EXT1: variants seen among roughly 807,000 people sequenced by gnomAD.
EXT1 encodes exostosin-1.
Under a neutral mutation model 82.5 loss-of-function variants are expected in EXT1, and 20 were observed. That is an observed-to-expected ratio of 0.24 (90% CI 0.17 to 0.35). The LOEUF (loss-of-function observed/expected upper bound fraction) is 0.35. Among genes scored for constraint, EXT1 ranks in the 10% least tolerant of loss-of-function variants. The pLI, the probability that EXT1 is intolerant of heterozygous loss-of-function variation, is 1.00. For missense variants in EXT1, 757 were observed against 936.5 expected (o/e 0.81, Z 2.50); for synonymous variants, 348 against 350.8 (o/e 0.99, Z 0.09).
At chr8:117,923,717 C>T (rs1387769675) in intron 1 of EXT1, among the ~76,000 whole-genome samples, 1 of 149,770 alleles carries the variant, frequency 6.7e-6, no homozygotes, top group African/African-American at 2.5e-5. Context: ...CAGGGCGAGA[C>T]TCTGTCTCAA....
Position 117,903,272 on chromosome 8 carries a change from T to C in EXT1, c.963-66071A>G, listed in dbSNP as rs191168432. On this transcript the variant is annotated intron_variant, in intron 1 of 10. Coordinates refer to ENST00000378204, the MANE Select transcript of EXT1 (RefSeq NM_000127.3). The stretch of plus-strand genomic sequence containing the variant: ...GTAAAACCCCCAATGCCTTTGAAGA[T>C]TTTAAGGAAAAGAACAGGGAGAGAG... 5.5e-3 allele frequency among the ~76,000 whole-genome samples: 833 copies of C among 152,278 alleles called. 5 individuals carry two copies. The highest frequency in any genetic ancestry group is 0.01 in the Admixed American group (155 of 15,302).
chr8:117,810,943 T>C (rs962217795), intron 8 of EXT1, among the ~76,000 whole-genome samples: 1 of 152,302 alleles, frequency 6.6e-6, no homozygotes, highest in Middle Eastern at 3.4e-3. Context: ...TCCATGATCA[T>C]AGCACTTGTA....
chr8:117,992,816 C>T (rs1203523458), intron 1 of EXT1, among the ~76,000 whole-genome samples: 1 of 152,210 alleles, frequency 6.6e-6, no homozygotes, highest in Admixed American at 6.5e-5. Context: ...TGGGAACAGA[C>T]AGCTGTAGAC....
intron 1 of EXT1, among the ~76,000 whole-genome samples, chr8:118,059,473 C>T (rs947315218): frequency 6.6e-6 from 1 of 152,194 alleles, no homozygotes; most frequent in African/African-American, 2.4e-5. Flanking sequence ...TTGCTTTCTT[C>T]TGCTCTGATC....
chr8:117,984,615 T>C (rs1815277062), intron 1 of EXT1, among the ~76,000 whole-genome samples: 1 of 151,944 alleles, frequency 6.6e-6, no homozygotes, highest in South Asian at 2.1e-4. Flanking sequence ...GCAGGAAACC[T>C]GGGGGGCTGA....
intron 1 of EXT1, among the ~76,000 whole-genome samples, chr8:118,108,193 G>A (rs2130036819): frequency 6.6e-6 from 1 of 152,270 alleles, no homozygotes; most frequent in Middle Eastern, 3.4e-3. Context: ...TATTTATTTT[G>A]GGAATAAAAG....
intron 1 of EXT1, among the ~76,000 whole-genome samples, chr8:118,082,900 T>G (rs1239839266): frequency 6.6e-6 from 1 of 152,194 alleles, no homozygotes; most frequent in Non-Finnish European, 1.5e-5. Context: ...AAGAATTAAG[T>G]TTGGAGCGAG....
At chr8:117,839,916 T>A (rs959127810) in intron 1 of EXT1, among the ~76,000 whole-genome samples, 2 of 152,090 alleles carry the variant, frequency 1.3e-5, no homozygotes, top group African/African-American at 2.4e-5. Context: ...CACCTGACAA[T>A]GAGAAAATGC....
intron 1 of EXT1, among the ~76,000 whole-genome samples, chr8:118,091,789 C>A (rs17451547): frequency 0.24 from 36,184 of 151,772 alleles, 4,569 homozygotes; most frequent in African/African-American, 0.32. Context: ...CTCTCTCTCT[C>A]TATATATATA....
intron 1 of EXT1, among the ~76,000 whole-genome samples, chr8:118,058,368 A>G (rs1014819197): frequency 6.6e-6 from 1 of 152,222 alleles, no homozygotes; most frequent in Non-Finnish European, 1.5e-5. Context: ...TTTGGCAAAG[A>G]GTGCAAAATT....
intron 1 of EXT1, among the ~76,000 whole-genome samples, chr8:118,090,770 TTC>T (rs368056347): frequency 0.024 from 1,764 of 72,472 alleles, 38 homozygotes; most frequent in African/African-American, 0.088. Context: ...GACAGTGAGA[TTC>T]TGTCTCAAAA....
chr8:117,926,500 G>T (rs1305249529), intron 1 of EXT1, among the ~76,000 whole-genome samples: 2 of 152,194 alleles, frequency 1.3e-5, no homozygotes, highest in Non-Finnish European at 2.9e-5. Context: ...AATGCAGGGA[G>T]TCATGGCTAG....
chr8:117,893,837 C>T (rs1005818126), intron 1 of EXT1, among the ~76,000 whole-genome samples: 1 of 152,126 alleles, frequency 6.6e-6, no homozygotes, highest in African/African-American at 2.4e-5. Flanking sequence ...TTGCCAGACC[C>T]GTTATCACCT....
intron 1 of EXT1, among the ~76,000 whole-genome samples, chr8:118,046,195 T>A (rs1816619867): frequency 1.3e-5 from 2 of 152,036 alleles, no homozygotes; most frequent in Admixed American, 1.3e-4. Flanking sequence ...TGGGTCTAGT[T>A]TCCCATTCAC....
At chr8:118,028,125 G>C (rs1002394917) in intron 1 of EXT1, among the ~76,000 whole-genome samples, 1 of 152,206 alleles carries the variant, frequency 6.6e-6, no homozygotes, top group Non-Finnish European at 1.5e-5. Flanking sequence ...AGGCCCTTGT[G>C]TTGAGGATAA....
chr8:117,908,475 CA>C (rs35190467), intron 1 of EXT1, among the ~76,000 whole-genome samples: 2 of 151,398 alleles, frequency 1.3e-5, no homozygotes, highest in Non-Finnish European at 2.9e-5. Flanking sequence ...ACTAAAAATA[CA>C]AAAATTAGCT....
chr8:117,819,291 G>A (rs1004090675), intron 6 of EXT1, among the ~76,000 whole-genome samples: 4 of 152,196 alleles, frequency 2.6e-5, no homozygotes, highest in Non-Finnish European at 4.4e-5. Flanking sequence ...CAACAAGTCT[G>A]CTTCTTCTAT....
In EXT1 at chr8:117,817,164, T is replaced by A. The variant is rs17503215; in HGVS notation, c.1632+1271A>T. Among the ~76,000 whole-genome samples, 856 of 152,302 alleles carry A rather than the reference T, an allele frequency of 5.6e-3. 14 individuals are homozygous for A. The highest frequency in any genetic ancestry group is 0.019 in the African/African-American group (805 of 41,554). ...CTTATGAGAGCCATGGCTATATTTG[T>A]CACATTCCCCACTGTGTTCCAAGCC... On this transcript the variant is annotated intron_variant, in intron 7 of 10. Transcript: ENST00000378204.
chr8:117,893,645 G>T (rs938143799), intron 1 of EXT1, among the ~76,000 whole-genome samples: 1 of 152,146 alleles, frequency 6.6e-6, no homozygotes, highest in Non-Finnish European at 1.5e-5. Flanking sequence ...CCAATCCCTG[G>T]TGCCTTCCGC....
Sources: gnomAD v4.1 joint callset for allele counts (sites outside exome capture counted in the v4.1 genomes callset) on GRCh38, gnomAD v4.1.1 for gene constraint, MANE v1.5 for transcripts, NCBI Gene and HGNC (gene_info 2026-07-23, HGNC 2026-07-21) for gene names.